The following CADPS2 variants were observed in gnomAD, a reference collection of about 807,000 sequenced individuals.
CADPS2 encodes calcium-dependent secretion activator 2.
In CADPS2, 93 loss-of-function variants were observed where a neutral mutation model predicts 172.5. The ratio of observed to expected loss-of-function variants is 0.54; its 90% CI spans 0.46 to 0.64. The LOEUF (loss-of-function observed/expected upper bound fraction) is 0.64. Ranked by LOEUF, CADPS2 falls within the 30% of genes least tolerant of loss-of-function variation. The probability of loss-of-function intolerance (pLI) is 0.00; values close to 1 mark genes in which losing one functional copy is unlikely to be tolerated. For missense variants in CADPS2, 1,420 were observed against 1,565.9 expected (o/e 0.91, Z 1.57); for synonymous variants, 546 against 555.2 (o/e 0.98, Z 0.23).
chr7:122,695,342 T>A (rs193117011), intron 2 of CADPS2, among the ~76,000 whole-genome samples: 247 of 152,352 alleles, frequency 1.6e-3, no homozygotes, highest in African/African-American at 5.7e-3. Context: ...ATTAGTCCCA[T>A]GTCATTATGA....
chr7:122,553,669 C>T (rs111293131), intron 8 of CADPS2, among the ~76,000 whole-genome samples: 2 of 152,186 alleles, frequency 1.3e-5, no homozygotes, highest in African/African-American at 2.4e-5. Context: ...ATCATCAGTT[C>T]GCTCCACCCT....
chr7:122,370,782 G>A (rs1004978494), intron 25 of CADPS2, among the ~76,000 whole-genome samples: 1 of 152,040 alleles, frequency 6.6e-6, no homozygotes, highest in Non-Finnish European at 1.5e-5. Context: ...AAGGCACAAG[G>A]GTCTGGAAAA....
intron 1 of CADPS2, among the ~76,000 whole-genome samples, chr7:122,833,443 C>G (rs981318458): frequency 1.3e-5 from 2 of 152,128 alleles, no homozygotes; most frequent in South Asian, 4.1e-4. Context: ...CTTTGCCTCC[C>G]GGGTTCGAGC....
At chr7:122,772,778 G>A (rs532109736) in intron 1 of CADPS2, among the ~76,000 whole-genome samples, 13 of 152,226 alleles carry the variant, frequency 8.5e-5, no homozygotes, top group African/African-American at 3.1e-4. Context: ...CACATGCACA[G>A]TTATTGCAGA....
intron 14 of CADPS2, among the ~76,000 whole-genome samples, chr7:122,465,142 A>G (rs924691995): frequency 2.6e-5 from 4 of 152,224 alleles, no homozygotes; most frequent in Non-Finnish European, 4.4e-5. Flanking sequence ...AAAAATGAAC[A>G]ATATTAGACT....
intron 2 of CADPS2, among the ~76,000 whole-genome samples, chr7:122,722,246 C>T (rs7802185): frequency 0.43 from 65,278 of 150,888 alleles, 15,039 homozygotes; most frequent in East Asian, 0.7. Context: ...AAGAGGAAGT[C>T]AAATTGTCCC....
intron 7 of CADPS2, among the ~76,000 whole-genome samples, chr7:122,571,318 G>T (rs1333181582): frequency 1.3e-5 from 2 of 152,096 alleles, no homozygotes; most frequent in African/African-American, 4.8e-5. Context: ...GAAGGCATTA[G>T]TACAGTGTAC....
chr7:122,536,155 T>A (rs2062247231), intron 8 of CADPS2, among the ~76,000 whole-genome samples: 1 of 152,138 alleles, frequency 6.6e-6, no homozygotes, highest in African/African-American at 2.4e-5. Flanking sequence ...GATATCCTTT[T>A]GCTTTTAAGA....
intron 1 of CADPS2, among the ~76,000 whole-genome samples, chr7:122,841,150 T>C (rs1205262415): frequency 6.6e-6 from 1 of 152,188 alleles, no homozygotes; most frequent in Non-Finnish European, 1.5e-5. Flanking sequence ...CTATATTTCT[T>C]GGAATATTAG....
intron 11 of CADPS2, among the ~76,000 whole-genome samples, chr7:122,486,361 G>C (rs114545934): frequency 0.03 from 4,632 of 152,210 alleles, 203 homozygotes; most frequent in African/African-American, 0.11. Context: ...CAGGAGTTTG[G>C]AGGAAGTTGA....
intron 1 of CADPS2, among the ~76,000 whole-genome samples, chr7:122,878,391 G>A (rs1031095046): frequency 4.5e-4 from 68 of 151,074 alleles, no homozygotes; most frequent in African/African-American, 1.5e-3. Context: ...GGTGGCTCAC[G>A]CCTGTAATCC....
chr7:122,460,990 T>C (rs2054368155), intron 14 of CADPS2, among the ~76,000 whole-genome samples: 1 of 152,240 alleles, frequency 6.6e-6, no homozygotes, highest in Non-Finnish European at 1.5e-5. Context: ...CATTTCTATA[T>C]TGTCCATGAC....
At chr7:122,832,359 TA>T (rs1806831255) in intron 1 of CADPS2, among the ~76,000 whole-genome samples, 1 of 151,952 alleles carries the variant, frequency 6.6e-6, no homozygotes, top group Non-Finnish European at 1.5e-5. Flanking sequence ...GTAAAACTTT[TA>T]AAAAGTGTGA....
Position 122,491,350 on chromosome 7 carries a change from A to G in CADPS2, c.1613T>C (p.Leu538Pro), listed in dbSNP as rs1586586302. Residue 538 changes from leucine to proline, a missense_variant, in exon 10 of 30, where the codon CTT becomes CCT. By Grantham distance (98) the Leu-to-Pro change is moderately conservative (BLOSUM62 -3). Transcript: ENST00000449022. Reference protein sequence around the residue: ...KKSEPQELMQLEGYTVDYTDP... With the variant: ...KKSEPQELMQPEGYTVDYTDP... ...GGTATAATCCACAGTATAGCCTTCA[A>G]GCTGCATTAATTCTTGTGGTTCAGA... The G allele has an allele frequency of 6.2e-7, 1 of 1,611,876 alleles. No homozygotes were observed. The highest frequency in any genetic ancestry group is 1.3e-5 in the African/African-American group (1 of 74,964).
Position 122,732,915 on chromosome 7 carries a change from A to G in CADPS2, c.453+4040T>C, listed in dbSNP as rs796488942. Among the ~76,000 whole-genome samples, 7 of 146,590 alleles carry G rather than the reference A, an allele frequency of 4.8e-5. No individual in the cohort carries two copies. The South Asian group carries it at 1.3e-3, about 26-fold the overall frequency. On this transcript the variant is annotated intron_variant, in intron 2 of 29. Transcript: ENST00000449022. ...ATATATTATATAATATACATTATAT[A>G]TTATGTATAATACATATTATATACA...
Position 122,767,047 on chromosome 7 carries a change from A to G in CADPS2, c.340-29979T>C, listed in dbSNP as rs192961105. 1.2e-4 allele frequency among the ~76,000 whole-genome samples: 19 copies of G among 152,326 alleles called. No individual in the cohort carries two copies. In the East Asian group the frequency reaches 3.3e-3, roughly 26 times the overall value. ...AAATACTTAATACAAAAATCATTGT[A>G]TCCTAAAACAATAGTTGAGAGACAG... On this transcript the variant is annotated intron_variant, in intron 1 of 29. Transcript: ENST00000449022.
At chr7:122,767,764 T>C (rs1458529511) in intron 1 of CADPS2, among the ~76,000 whole-genome samples, 1 of 152,108 alleles carries the variant, frequency 6.6e-6, no homozygotes, top group Non-Finnish European at 1.5e-5. Context: ...TATTACTAAT[T>C]TGAAGAACTC....
At chr7:122,672,191 C>T (rs766475925) in intron 2 of CADPS2, among the ~76,000 whole-genome samples, 4 of 152,206 alleles carry the variant, frequency 2.6e-5, no homozygotes, top group Non-Finnish European at 4.4e-5. Context: ...GATGGGTTTA[C>T]TCTCACTAAA....
intron 3 of CADPS2, among the ~76,000 whole-genome samples, chr7:122,635,563 AATG>A (rs1354389045): frequency 1.1e-4 from 17 of 152,144 alleles, no homozygotes; most frequent in Admixed American, 9.8e-4. Flanking sequence ...GTTTACTGAG[AATG>A]ATGATTTCCA....
Sources: allele counts gnomAD v4.1 joint callset (sites outside exome capture counted in the v4.1 genomes callset), GRCh38; gene constraint gnomAD v4.1.1; transcripts MANE v1.5; gene names NCBI Gene and HGNC (gene_info 2026-07-23, HGNC 2026-07-21).